The following FAM135A variants were observed in gnomAD, a reference collection of about 807,000 sequenced individuals.
FAM135A encodes protein FAM135A.
In FAM135A, 79 loss-of-function variants were observed where a neutral mutation model predicts 146.8. The ratio of observed to expected loss-of-function variants is 0.54; its 90% confidence interval spans 0.45 to 0.65. The LOEUF is 0.65. Among genes scored for constraint, FAM135A ranks in the 30% least tolerant of loss-of-function variants. The pLI, the probability that FAM135A is intolerant of heterozygous loss-of-function variation, is 0.00. For synonymous variants in FAM135A, 562 were observed against 603.6 expected, an observed-to-expected ratio of 0.93 and a Z score of 1.01; for missense variants, 1,623 against 1,758.2, an observed-to-expected ratio of 0.92 and a Z score of 1.38.
At chr6:70,503,566 A>G (rs1316267386) in intron 12 of FAM135A, 3 of 152,184 alleles carry the variant, frequency 2.0e-5, no homozygotes, top group African/African-American at 7.2e-5. Flanking sequence ...AACACTCTCA[A>G]TGCTACAGAT....
At chr6:70,550,169 A>G (rs1394424238) in intron 20 of FAM135A, among the ~76,000 whole-genome samples, 1 of 152,168 alleles carries the variant, frequency 6.6e-6, no homozygotes, top group Non-Finnish European at 1.5e-5. Flanking sequence ...AAAGTTATCC[A>G]TGAAGGTTGG....
At chr6:70,414,981 T>C (rs1284361983) in intron 1 of FAM135A, among the ~76,000 whole-genome samples, 1 of 152,226 alleles carries the variant, frequency 6.6e-6, no homozygotes, top group African/African-American at 2.4e-5. Context: ...GTATTATTAA[T>C]TTGTTTTATA....
At chr6:70,494,059 A>G (rs1562517609) in intron 11 of FAM135A, among the ~76,000 whole-genome samples, 1 of 150,568 alleles carries the variant, frequency 6.6e-6, no homozygotes, top group Non-Finnish European at 1.5e-5. Context: ...GTCTCAAAAA[A>G]AAAAAAAAAA....
chr6:70,498,513 G>T (rs943894967), intron 11 of FAM135A, among the ~76,000 whole-genome samples: 1 of 152,012 alleles, frequency 6.6e-6, no homozygotes, highest in Non-Finnish European at 1.5e-5. Context: ...CTTGTCTTCT[G>T]CTAGCTTTTG....
intron 12 of FAM135A, among the ~76,000 whole-genome samples, chr6:70,506,131 C>G (rs186166702): frequency 6.6e-6 from 1 of 152,044 alleles, no homozygotes; most frequent in African/African-American, 2.4e-5. Flanking sequence ...GTAATAGTAT[C>G]AGAAAGGTAG....
chr6:70,502,084 A>C (rs1788685402), intron 11 of FAM135A, among the ~76,000 whole-genome samples: 1 of 152,232 alleles, frequency 6.6e-6, no homozygotes, highest in African/African-American at 2.4e-5. Flanking sequence ...GAAATGAAAA[A>C]AATAAAGTGA....
intron 2 of FAM135A, among the ~76,000 whole-genome samples, chr6:70,425,379 G>A (rs529804787): frequency 2.6e-5 from 4 of 152,162 alleles, no homozygotes; most frequent in South Asian, 4.2e-4. Flanking sequence ...AGCTATCTTC[G>A]ACATCATTTC....
chr6:70,557,420 G>C (rs1033004207), intron 21 of FAM135A: 1 of 152,972 alleles, frequency 6.5e-6, no homozygotes, highest in Non-Finnish European at 1.5e-5. Flanking sequence ...GTCTCCGGGC[G>C]TGGTGGCTCC....
chr6:70,440,783 T>C (rs1774282005), intron 4 of FAM135A, among the ~76,000 whole-genome samples: 1 of 152,152 alleles, frequency 6.6e-6, no homozygotes, highest in South Asian at 2.1e-4. Flanking sequence ...TAGTATTACT[T>C]AAGATCCTGA....
chr6:70,528,794 G>A (rs1417249629), intron 16 of FAM135A, among the ~76,000 whole-genome samples: 1 of 151,718 alleles, frequency 6.6e-6, no homozygotes, highest in Admixed American at 6.6e-5. Flanking sequence ...GTGGTTTGCT[G>A]TCATCTACAT....
rs1383796219 is a variant in FAM135A at position 70,518,155 on chromosome 6, G to A, written c.1030-4358G>A. On this transcript the variant is annotated intron_variant, in intron 12 of 21. Coordinates refer to ENST00000418814, the MANE Select transcript of FAM135A (RefSeq NM_001162529.3). Reference sequence around the variant, plus strand: ...AAGGAAATTGAAATGCTTTTCTAATGGAACGATAAGAAAGTGAAACAGCCT... The same window carrying A: ...AAGGAAATTGAAATGCTTTTCTAATAGAACGATAAGAAAGTGAAACAGCCT... 3.3e-5 allele frequency among the ~76,000 whole-genome samples: 5 copies of A among 152,142 alleles called. No individual in the cohort carries two copies. In the East Asian group the frequency reaches 9.6e-4, roughly 29 times the overall value.
At chr6:70,548,395 A>T (rs1436167494) in intron 20 of FAM135A, among the ~76,000 whole-genome samples, 3 of 152,206 alleles carry the variant, frequency 2.0e-5, no homozygotes, top group Non-Finnish European at 2.9e-5. Context: ...GTGTAACAAC[A>T]TAGTGTATTT....
At chr6:70,553,552 C>T (rs1800252632) in intron 20 of FAM135A, among the ~76,000 whole-genome samples, 1 of 152,104 alleles carries the variant, frequency 6.6e-6, no homozygotes, top group Non-Finnish European at 1.5e-5. Context: ...CACATACTTT[C>T]TAATATAAAA....
chr6:70,447,638 G>T (rs974305474), intron 4 of FAM135A, among the ~76,000 whole-genome samples: 1 of 152,224 alleles, frequency 6.6e-6, no homozygotes, highest in African/African-American at 2.4e-5. Context: ...AAATGCCCTG[G>T]TTTGGAATGG....
Position 70,445,233 on chromosome 6 carries a change from T to G in FAM135A, c.78-7259T>G, listed in dbSNP as rs554680313. On this transcript the variant is annotated intron_variant, in intron 4 of 21. Transcript: ENST00000418814. Reference sequence around the variant, plus strand: ...TTACTTACTTTGTTTATGGCTACTTTTGCTCAGCAGCAGGAATGAGTAGTC... The same window carrying G: ...TTACTTACTTTGTTTATGGCTACTTGTGCTCAGCAGCAGGAATGAGTAGTC... Among the ~76,000 whole-genome samples, 3 of 152,338 alleles carry G rather than the reference T, an allele frequency of 2.0e-5. No individual in the cohort carries two copies. The East Asian group carries it at 5.8e-4, about 29-fold the overall frequency.
At chr6:70,517,244 A>G (rs916413101) in intron 12 of FAM135A, among the ~76,000 whole-genome samples, 6 of 152,104 alleles carry the variant, frequency 3.9e-5, no homozygotes, top group Non-Finnish European at 8.8e-5. Flanking sequence ...AAATAAGTCT[A>G]TCCAGGTGGG....
intron 5 of FAM135A, among the ~76,000 whole-genome samples, chr6:70,455,877 G>C (rs942584059): frequency 6.6e-6 from 1 of 151,962 alleles, no homozygotes. Flanking sequence ...TTTTGAAGCG[G>C]AGTCTTGCCC....
chr6:70,421,273 A>G (rs1768781022), intron 2 of FAM135A, among the ~76,000 whole-genome samples: 1 of 152,168 alleles, frequency 6.6e-6, no homozygotes. Flanking sequence ...TAATGGAAAA[A>G]TATTTTACAC....
intron 18 of FAM135A, among the ~76,000 whole-genome samples, chr6:70,535,122 G>A (rs1796559929): frequency 6.6e-6 from 1 of 152,086 alleles, no homozygotes; most frequent in South Asian, 2.1e-4. Flanking sequence ...TTCCAGAAGT[G>A]TAATCTGGTT....
Sources: allele counts gnomAD v4.1 joint callset (sites outside exome capture counted in the v4.1 genomes callset), GRCh38; gene constraint gnomAD v4.1.1; transcripts MANE v1.5; gene names NCBI Gene and HGNC (gene_info 2026-07-23, HGNC 2026-07-21).